The following AGBL1 variants were observed in gnomAD, a reference collection of about 807,000 sequenced individuals.
AGBL1 encodes the protein cytosolic carboxypeptidase 4.
A neutral mutation model predicts 118.9 loss-of-function variants in AGBL1; 130 were observed. The observed-to-expected ratio is 1.09, with a 90% CI of 0.95 to 1.26. The LOEUF (loss-of-function observed/expected upper bound fraction) is 1.26. Ranked by LOEUF, AGBL1 falls within the 50% of genes most tolerant of loss-of-function variation. The pLI, the probability that AGBL1 is intolerant of heterozygous loss-of-function variation, is 0.00. For synonymous variants in AGBL1, 555 were observed against 478.9 expected (o/e 1.16, Z -2.08); for missense variants, 1,584 against 1,298.1 (o/e 1.22, Z -3.38).
chr15:86,716,157 T>G (rs530381287), intron 22 of AGBL1, among the ~76,000 whole-genome samples: 1 of 152,218 alleles, frequency 6.6e-6, no homozygotes, highest in East Asian at 1.9e-4. Context: ...TAAAGTGTGC[T>G]AGGGATTTCT....
intron 23 of AGBL1, among the ~76,000 whole-genome samples, chr15:86,964,866 G>A (rs2081033494): frequency 1.3e-5 from 2 of 152,036 alleles, no homozygotes; most frequent in African/African-American, 4.8e-5. Context: ...CCACTTATGA[G>A]TGACAACATG....
At position 86,323,366 on chromosome 15, in the gene AGBL1, C is replaced by A. The variant is rs142399774; in HGVS notation, c.2374+27958C>A. On this transcript the variant is annotated intron_variant, in intron 17 of 22. Transcript: ENST00000614907. ...GCTTTTCCATAATTATGTAAATAAC[C>A]AAATAACATTACCAATTGAGGCAAA... Among the ~76,000 whole-genome samples the A allele has an allele frequency of 3.9e-3, 593 of 151,022 alleles. 6 individuals are homozygous for A. The highest frequency in any genetic ancestry group is 0.013 in the African/African-American group (549 of 41,124).
chr15:86,831,590 C>G (rs1213005724), intron 22 of AGBL1, among the ~76,000 whole-genome samples: 4 of 152,236 alleles, frequency 2.6e-5, no homozygotes, highest in African/African-American at 7.2e-5. Context: ...CCATGTCTCA[C>G]ATCCAGGTCA....
chr15:86,637,303 A>G (rs2085113142), intron 21 of AGBL1, among the ~76,000 whole-genome samples: 1 of 152,124 alleles, frequency 6.6e-6, no homozygotes, highest in Non-Finnish European at 1.5e-5. Context: ...GTGGCATGTC[A>G]GGGAGAGCTA....
At chr15:86,225,213 A>G (rs1176143572) in intron 6 of AGBL1, among the ~76,000 whole-genome samples, 8 of 152,166 alleles carry the variant, frequency 5.3e-5, no homozygotes, top group East Asian at 3.9e-4. Flanking sequence ...CACCAAGACA[A>G]TGGACCCTAA....
intron 19 of AGBL1, among the ~76,000 whole-genome samples, chr15:86,530,725 C>G (rs369311899): frequency 6.7e-6 from 1 of 149,118 alleles, no homozygotes; most frequent in Non-Finnish European, 1.5e-5. Context: ...TTCTCCTCAG[C>G]AAATGTAAAA....
chr15:86,151,676 G>A (rs1458704752), intron 3 of AGBL1, among the ~76,000 whole-genome samples: 5 of 152,126 alleles, frequency 3.3e-5, no homozygotes, highest in African/African-American at 1.2e-4. Context: ...TTCTGGCCAG[G>A]ACAATCAGGC....
intron 21 of AGBL1, among the ~76,000 whole-genome samples, chr15:86,664,645 A>G (rs796443991): frequency 2.0e-5 from 3 of 152,222 alleles, no homozygotes; most frequent in African/African-American, 7.2e-5. Context: ...TAGTGACCCT[A>G]AAAAAGTTAA....
At chr15:86,890,041 C>A (rs2080029061) in intron 22 of AGBL1, among the ~76,000 whole-genome samples, 1 of 152,176 alleles carries the variant, frequency 6.6e-6, no homozygotes, top group African/African-American at 2.4e-5. Flanking sequence ...TTTTTCTCTG[C>A]AGTCTTGCCA....
In AGBL1 at chr15:86,936,305, A is replaced by C. The variant is rs572409913; in HGVS notation, c.3222-51682A>C. Among the ~76,000 whole-genome samples, 3 of 152,260 alleles carry C rather than the reference A, an allele frequency of 2.0e-5. No individual in the cohort carries two copies. The South Asian group carries it at 6.2e-4, about 32-fold the overall frequency. On this transcript the variant is annotated intron_variant, in intron 23 of 24. Coordinates refer to the AGBL1 transcript ENST00000441037. ...AAGAGAGAGAGAACAACAGATAAACAAGAAAAAAAACAAAAGTAAATTACT... is the reference window on the plus strand; with the variant it reads ...AAGAGAGAGAGAACAACAGATAAACCAGAAAAAAAACAAAAGTAAATTACT...
chr15:86,345,865 G>C (rs1288333756), intron 17 of AGBL1, among the ~76,000 whole-genome samples: 2 of 152,166 alleles, frequency 1.3e-5, no homozygotes, highest in Non-Finnish European at 2.9e-5. Flanking sequence ...CATTTTAATA[G>C]GTTGAAGAGA....
intron 22 of AGBL1, among the ~76,000 whole-genome samples, chr15:86,793,772 C>T (rs2078531351): frequency 6.6e-6 from 1 of 151,998 alleles, no homozygotes. Flanking sequence ...GACAAACAAC[C>T]CAATTAAAAA....
intron 22 of AGBL1, among the ~76,000 whole-genome samples, chr15:86,822,925 G>A (rs1175499218): frequency 6.6e-6 from 1 of 152,126 alleles, no homozygotes; most frequent in African/African-American, 2.4e-5. Context: ...CTTACACAAG[G>A]AAGAGTAGAT....
At chr15:86,576,909 G>A (rs565094868) in intron 21 of AGBL1, among the ~76,000 whole-genome samples, 51 of 152,272 alleles carry the variant, frequency 3.3e-4, no homozygotes, top group Non-Finnish European at 5.3e-4. Flanking sequence ...TGTGGTAACC[G>A]TAAGTCCAAT....
chr15:86,843,937 T>G (rs548777467), intron 22 of AGBL1, among the ~76,000 whole-genome samples: 2 of 152,332 alleles, frequency 1.3e-5, no homozygotes, highest in African/African-American at 4.8e-5. Flanking sequence ...TAATCTTTAC[T>G]TTCTTACAGA....
intron 6 of AGBL1, among the ~76,000 whole-genome samples, chr15:86,246,284 C>T (rs563902574): frequency 3.8e-4 from 58 of 152,292 alleles, no homozygotes; most frequent in African/African-American, 1.3e-3. Flanking sequence ...GGAGGCAGCA[C>T]AGCAAAACCC....
intron 22 of AGBL1, among the ~76,000 whole-genome samples, chr15:86,759,068 A>C (rs952428399): frequency 2.0e-5 from 3 of 152,064 alleles, no homozygotes; most frequent in Admixed American, 2.0e-4. Context: ...CTTTGAATCA[A>C]AGGAGTTTAA....
At chr15:86,887,722 G>A (rs12050746) in intron 22 of AGBL1, among the ~76,000 whole-genome samples, 14,527 of 152,026 alleles carry the variant, frequency 0.096, 888 homozygotes, top group South Asian at 0.14. Flanking sequence ...GATTCTTTTA[G>A]CCGCAGATCA....
At chr15:86,807,152 A>G (rs185019972) in intron 22 of AGBL1, among the ~76,000 whole-genome samples, 1 of 152,158 alleles carries the variant, frequency 6.6e-6, no homozygotes, top group African/African-American at 2.4e-5. Flanking sequence ...AGATCTAAAT[A>G]AGATAGAACA....
Sources: allele counts gnomAD v4.1 joint callset (sites outside exome capture counted in the v4.1 genomes callset), GRCh38; gene constraint gnomAD v4.1.1; transcripts MANE v1.5; gene names NCBI Gene and HGNC (gene_info 2026-07-23, HGNC 2026-07-21).